ANGPT2: variants seen among roughly 807,000 people sequenced by gnomAD.
The protein encoded by ANGPT2 is angiopoietin-2.
In ANGPT2, 28 loss-of-function variants were observed where a neutral mutation model predicts 62.9. The observed-to-expected ratio is 0.44, with a 90% CI of 0.33 to 0.61. The LOEUF (loss-of-function observed/expected upper bound fraction) is 0.61, where lower values mean the gene tolerates loss of function less well. Ranked by LOEUF, ANGPT2 falls within the 20% of genes least tolerant of loss-of-function variation. The pLI is 0.03. For synonymous variants in ANGPT2, 284 were observed against 207.8 expected (o/e 1.37, Z -3.15); for missense variants, 727 against 594.9 (o/e 1.22, Z -2.31).
intron 2 of ANGPT2, among the ~76,000 whole-genome samples, chr8:6,528,601 T>C (rs1462880935): frequency 6.6e-6 from 1 of 152,252 alleles, no homozygotes; most frequent in African/African-American, 2.4e-5. Context: ...TGCGGGCCTT[T>C]GTGAGCTACT....
At chr8:6,524,556 C>G (rs757541698) in intron 3 of ANGPT2, among the ~76,000 whole-genome samples, 2 of 152,184 alleles carry the variant, frequency 1.3e-5, no homozygotes, top group East Asian at 1.9e-4. Context: ...GGGTTCAGAT[C>G]ACGTCTTACC....
chr8:6,515,170 G>T (rs1444805657), intron 5 of ANGPT2, among the ~76,000 whole-genome samples: 5 of 151,820 alleles, frequency 3.3e-5, no homozygotes, highest in African/African-American at 1.2e-4. Context: ...GAAAACCATT[G>T]ACTTGTGTTC....
intron 8 of ANGPT2, among the ~76,000 whole-genome samples, chr8:6,505,722 A>T (rs1183993085): frequency 6.7e-5 from 9 of 134,186 alleles, no homozygotes; most frequent in Non-Finnish European, 1.4e-4. Context: ...TATATATTCT[A>T]TATATATTCT....
chr8:6,512,271 A>T (rs1815304289), intron 7 of ANGPT2, among the ~76,000 whole-genome samples: 1 of 152,138 alleles, frequency 6.6e-6, no homozygotes, highest in Non-Finnish European at 1.5e-5. Flanking sequence ...AGGCAACTTG[A>T]CATTTAGCCG....
rs17077213 is a variant in ANGPT2 at position 6,510,424 on chromosome 8, G to T, written c.1197-1362C>A. Among the ~76,000 whole-genome samples the T allele has an allele frequency of 8.7e-3, 1,321 of 152,278 alleles. 89 individuals are homozygous for T. Among genetic ancestry groups the T allele is most frequent in the Admixed American group, 0.08 (1,216 of 15,294 alleles). On this transcript the variant is annotated intron_variant, in intron 7 of 8. Coordinates refer to ENST00000629816, the MANE Select transcript of ANGPT2 (RefSeq NM_001118887.2). ...TTCTTTGTAAAACCTGCTAATGTTT[G>T]CAAGCTGCCACATTGGAATAATATA...
At chr8:6,544,066 A>T (rs751910627) in intron 1 of ANGPT2, among the ~76,000 whole-genome samples, 8 of 152,260 alleles carry the variant, frequency 5.3e-5, no homozygotes, top group Non-Finnish European at 1.0e-4. Flanking sequence ...AACAATATTC[A>T]ATACCTAGAT....
At chr8:6,546,442 A>G (rs1822588274) in intron 1 of ANGPT2, among the ~76,000 whole-genome samples, 1 of 152,244 alleles carries the variant, frequency 6.6e-6, no homozygotes, top group Non-Finnish European at 1.5e-5. Flanking sequence ...GGCAGTGTCC[A>G]ATTTGATTCC....
chr8:6,556,618 T>A (rs903314539), intron 1 of ANGPT2, among the ~76,000 whole-genome samples: 1 of 143,850 alleles, frequency 7.0e-6, no homozygotes, highest in Non-Finnish European at 1.5e-5. Flanking sequence ...TGTCTTTTTT[T>A]ATTTTTTTTT....
chr8:6,537,240 C>G (rs1820665744), intron 1 of ANGPT2, among the ~76,000 whole-genome samples: 1 of 152,102 alleles, frequency 6.6e-6, no homozygotes, highest in African/African-American at 2.4e-5. Context: ...TGAGCGTGAT[C>G]TGTAGGCACA....
intron 5 of ANGPT2, among the ~76,000 whole-genome samples, chr8:6,519,373 G>A (rs573086423): frequency 3.9e-5 from 6 of 152,186 alleles, no homozygotes; most frequent in South Asian, 2.1e-4. Context: ...GCAGGGCAGC[G>A]GTAGCTAACT....
rs1433197784 is a variant in ANGPT2, at chr8:6,503,002, GT to G, written c.*98del. The G allele has an allele frequency of 4.2e-6, 6 of 1,412,106 alleles. No individual in the cohort carries two copies. The East Asian group carries it at 9.1e-5, about 22-fold the overall frequency. The allele number at this position is 1,412,106 out of a possible 1,614,324, so 87.5% of individuals were successfully genotyped here. ...CGTCAGCACCGAGCACACGCCCTCT[GT>G]GGTGGAAGAGGACACAGTGCGCAGC... On this transcript the variant is annotated 3_prime_UTR_variant, in exon 9 of 9. Transcript: ENST00000629816.
chr8:6,556,825 A>C (rs1824699855), intron 1 of ANGPT2, among the ~76,000 whole-genome samples: 1 of 151,954 alleles, frequency 6.6e-6, no homozygotes, highest in Non-Finnish European at 1.5e-5. Context: ...CTGGCCTCAA[A>C]GTGTCTTCCC....
At chr8:6,503,511 G>C (rs972493106) in intron 8 of ANGPT2, among the ~76,000 whole-genome samples, 2 of 152,202 alleles carry the variant, frequency 1.3e-5, no homozygotes, top group African/African-American at 4.8e-5. Flanking sequence ...GCTGTGTGGA[G>C]AGGCCTGAAT....
At chr8:6,540,171 C>G (rs1049900154) in intron 1 of ANGPT2, among the ~76,000 whole-genome samples, 1 of 152,138 alleles carries the variant, frequency 6.6e-6, no homozygotes, top group Non-Finnish European at 1.5e-5. Flanking sequence ...GCTGCATATT[C>G]TTTGCATTAA....
At position 6,519,692 on chromosome 8, in the gene ANGPT2, C is replaced by A. The variant is rs901135699; in HGVS notation, c.927+172G>T. Among the ~76,000 whole-genome samples the A allele has an allele frequency of 5.9e-5, 9 of 152,324 alleles. No individual in the cohort carries two copies. The East Asian group carries it at 1.5e-3, about 26-fold the overall frequency. On this transcript the variant is annotated intron_variant, in intron 5 of 8. Transcript: ENST00000629816. ...TTGTATTTTCTGCACAGCAGCGGCA[C>A]TTAGAGCCCTTGGCAAGCACTCTAG...
intron 3 of ANGPT2, among the ~76,000 whole-genome samples, chr8:6,523,148 T>C (rs1246951043): frequency 2.6e-5 from 4 of 151,984 alleles, no homozygotes; most frequent in Non-Finnish European, 5.9e-5. Flanking sequence ...CAGGCGCATG[T>C]CACCATGTCA....
rs1456546157 is a variant in ANGPT2, at chr8:6,502,942, A to T, written c.*159T>A. 2.6e-6 allele frequency: 2 copies of T among 775,776 alleles called. No homozygotes were observed. Among genetic ancestry groups the T allele is most frequent in the East Asian group, 5.5e-5 (2 of 36,638 alleles). 48.1% of individuals were successfully genotyped at this position (775,776 alleles called of 1,614,324 possible). A position where few individuals can be genotyped will look rare whatever the true frequency, so the allele number is the denominator to read the frequency against. ...TTAAGTGATGCAAGTTTAAGTGATAAAGTTTACAGGCTCTAATCTGGAGCA... is the reference window on the plus strand; with the variant it reads ...TTAAGTGATGCAAGTTTAAGTGATATAGTTTACAGGCTCTAATCTGGAGCA... On this transcript the variant is annotated 3_prime_UTR_variant, in exon 9 of 9. Coordinates refer to ENST00000629816, the MANE Select transcript of ANGPT2 (RefSeq NM_001118887.2).
intron 3 of ANGPT2, among the ~76,000 whole-genome samples, chr8:6,526,469 A>G (rs961589045): frequency 6.6e-6 from 1 of 152,000 alleles, no homozygotes; most frequent in Non-Finnish European, 1.5e-5. Flanking sequence ...TGAAATTAGC[A>G]GGATTGTTAT....
At chr8:6,558,516 C>T (rs530586651) in intron 1 of ANGPT2, among the ~76,000 whole-genome samples, 2 of 152,322 alleles carry the variant, frequency 1.3e-5, no homozygotes, top group South Asian at 4.1e-4. Context: ...AGACCATTAT[C>T]CTTCTCAAGT....
Sources: gnomAD v4.1 joint callset for allele counts (sites outside exome capture counted in the v4.1 genomes callset) on GRCh38, gnomAD v4.1.1 for gene constraint, MANE v1.5 for transcripts, NCBI Gene and HGNC (gene_info 2026-07-23, HGNC 2026-07-21) for gene names.